The following KCNQ5 variants were observed in gnomAD, a reference collection of about 807,000 sequenced individuals.
The protein encoded by KCNQ5 is potassium voltage-gated channel subfamily KQT member 5.
In KCNQ5, 30 loss-of-function variants were observed where a neutral mutation model predicts 98.2. That is an observed-to-expected ratio of 0.31 (90% confidence interval 0.23 to 0.41). KCNQ5 has a LOEUF of 0.41. Among genes scored for constraint, KCNQ5 ranks in the 10% least tolerant of loss-of-function variants. The pLI is 1.00. For synonymous variants in KCNQ5, 458 were observed against 449.4 expected, an observed-to-expected ratio of 1.02 and a Z score of -0.24; for missense variants, 835 against 1,182.5, an observed-to-expected ratio of 0.71 and a Z score of 4.31.
At chr6:73,052,495 G>A (rs535702500) in intron 3 of KCNQ5, among the ~76,000 whole-genome samples, 87 of 152,228 alleles carry the variant, frequency 5.7e-4, no homozygotes, top group African/African-American at 2.1e-3. Context: ...AAGAGAAGGG[G>A]CAGGCCACCT....
At position 72,941,813 on chromosome 6, in the gene KCNQ5, G is replaced by T. The variant is rs1414506062; in HGVS notation, c.399-62095G>T. 2.6e-5 allele frequency among the ~76,000 whole-genome samples: 4 copies of T among 151,502 alleles called. No individual in the cohort carries two copies. The Admixed American group carries it at 2.6e-4, about 10-fold the overall frequency. On this transcript the variant is annotated intron_variant, in intron 1 of 13. Transcript: ENST00000370398. Reference sequence around the variant, plus strand: ...TGCCAGGCACTCTGTGGCTCCTTGGGATAAAGTTGGGAAACAAACCAACAT... The same window carrying T: ...TGCCAGGCACTCTGTGGCTCCTTGGTATAAAGTTGGGAAACAAACCAACAT...
chr6:72,850,260 CA>C (rs1777196098), intron 1 of KCNQ5, among the ~76,000 whole-genome samples: 1 of 152,122 alleles, frequency 6.6e-6, no homozygotes, highest in Non-Finnish European at 1.5e-5. Flanking sequence ...AAATATGAGT[CA>C]AAGTCTGGAC....
intron 1 of KCNQ5, among the ~76,000 whole-genome samples, chr6:72,942,075 A>G (rs1237699960): frequency 6.6e-6 from 1 of 152,160 alleles, no homozygotes; most frequent in Non-Finnish European, 1.5e-5. Flanking sequence ...CTGTGGCCTG[A>G]GCTGCCATTT....
intron 1 of KCNQ5, among the ~76,000 whole-genome samples, chr6:72,758,155 A>C (rs956323610): frequency 1.3e-5 from 2 of 151,954 alleles, no homozygotes; most frequent in African/African-American, 4.8e-5. Context: ...CAAGCAGAAG[A>C]TAAGAAAGAA....
chr6:73,126,111 A>G, intron 9 of KCNQ5, among the ~76,000 whole-genome samples: 1 of 152,212 alleles, frequency 6.6e-6, no homozygotes, highest in Non-Finnish European at 1.5e-5. Context: ...AAGGTAGCTT[A>G]TAGTTGCTTT....
At chr6:72,833,842 G>A (rs1257661703) in intron 1 of KCNQ5, among the ~76,000 whole-genome samples, 6 of 151,870 alleles carry the variant, frequency 4.0e-5, no homozygotes, top group Admixed American at 3.9e-4. Context: ...TTATATGATG[G>A]AATAACTATA....
intron 1 of KCNQ5, among the ~76,000 whole-genome samples, chr6:72,948,794 G>A (rs1163826623): frequency 6.6e-6 from 1 of 152,074 alleles, no homozygotes; most frequent in Non-Finnish European, 1.5e-5. Context: ...AGAAGATGAA[G>A]ATTTTACATA....
chr6:72,858,164 C>T (rs1476046860), intron 1 of KCNQ5, among the ~76,000 whole-genome samples: 1 of 152,022 alleles, frequency 6.6e-6, no homozygotes, highest in African/African-American at 2.4e-5. Flanking sequence ...CTAAATTTTT[C>T]CCATGGCATT....
At chr6:72,926,822 G>A (rs1467218157) in intron 1 of KCNQ5, among the ~76,000 whole-genome samples, 1 of 152,060 alleles carries the variant, frequency 6.6e-6, no homozygotes, top group African/African-American at 2.4e-5. Flanking sequence ...ATATGTAGCA[G>A]AAATAGATGG....
chr6:72,714,063 G>A (rs1290445420), intron 1 of KCNQ5, among the ~76,000 whole-genome samples: 3 of 152,160 alleles, frequency 2.0e-5, no homozygotes, highest in Non-Finnish European at 4.4e-5. Context: ...GCTCACCTAT[G>A]TGTCCTTACC....
intron 1 of KCNQ5, among the ~76,000 whole-genome samples, chr6:72,791,408 C>A (rs1290774846): frequency 6.6e-6 from 1 of 152,154 alleles, no homozygotes; most frequent in African/African-American, 2.4e-5. Context: ...ACTCCCTTTT[C>A]TCCTACCCAA....
At position 73,194,747 on chromosome 6, in the gene KCNQ5, G is replaced by C; in HGVS notation, c.2132G>C (p.Ser711Thr). 6.2e-7 allele frequency: 1 copy of C among 1,614,254 alleles called. No homozygotes were observed. Among genetic ancestry groups the C allele is most frequent in the South Asian group, 1.1e-5 (1 of 91,086 alleles). ...TFYALSPTMH[S>T]QATQVPISQS... ...TACGCGCTTAGCCCTACTATGCACA[G>C]TCAAGCAACACAGGTGCCAATTAGT... The change falls in exon 14 of 14, where the codon AGT becomes ACT. Residue 711 changes from serine (S) to threonine (T), a missense_variant. Coordinates refer to ENST00000370398, the MANE Select transcript of KCNQ5 (RefSeq NM_019842.4).
At position 72,827,317 on chromosome 6, in the gene KCNQ5, G is replaced by T. The variant is rs1303861667; in HGVS notation, c.399-176591G>T. Among the ~76,000 whole-genome samples the T allele has an allele frequency of 2.6e-5, 4 of 152,028 alleles. No individual in the cohort carries two copies. The East Asian group carries it at 7.7e-4, about 29-fold the overall frequency. On this transcript the variant is annotated intron_variant, in intron 1 of 13. Coordinates refer to ENST00000370398, the MANE Select transcript of KCNQ5 (RefSeq NM_019842.4). Reference sequence around the variant, plus strand: ...AACCTCCATACTGTTCTCTAGAGTGGCTGTACTAGTTTATGTTCCCAACAA... The same window carrying T: ...AACCTCCATACTGTTCTCTAGAGTGTCTGTACTAGTTTATGTTCCCAACAA...
At chr6:72,651,029 A>G (rs899281243) in intron 1 of KCNQ5, among the ~76,000 whole-genome samples, 4 of 152,048 alleles carry the variant, frequency 2.6e-5, no homozygotes, top group African/African-American at 9.7e-5. Context: ...TATTTTGTAA[A>G]CTGTTTTGTA....
intron 1 of KCNQ5, among the ~76,000 whole-genome samples, chr6:72,663,287 T>C (rs1766622068): frequency 6.6e-6 from 1 of 152,164 alleles, no homozygotes; most frequent in Non-Finnish European, 1.5e-5. Flanking sequence ...TTTTAAAAAA[T>C]CGTGTTTCTA....
intron 1 of KCNQ5, among the ~76,000 whole-genome samples, chr6:72,910,033 C>G (rs1562061760): frequency 6.6e-6 from 1 of 152,114 alleles, no homozygotes; most frequent in Non-Finnish European, 1.5e-5. Flanking sequence ...ATGAAGTCAT[C>G]CCTTTATCAA....
At chr6:72,841,290 A>G (rs969018476) in intron 1 of KCNQ5, among the ~76,000 whole-genome samples, 3 of 152,146 alleles carry the variant, frequency 2.0e-5, no homozygotes, top group Admixed American at 1.3e-4. Flanking sequence ...TCCTATTAAC[A>G]TATTGAATCA....
chr6:73,003,803 G>A, intron 1 of KCNQ5, 105 bp from the exon 2 acceptor site: 1 of 713,586 alleles, frequency 1.4e-6, no homozygotes, highest in South Asian at 1.8e-5. Flanking sequence ...GAGTTAATGT[G>A]TGCTAATTTA....
At chr6:72,705,599 T>TTTTTTG (rs61085754) in intron 1 of KCNQ5, among the ~76,000 whole-genome samples, 39 of 151,338 alleles carry the variant, frequency 2.6e-4, no homozygotes, top group African/African-American at 9.5e-4. Flanking sequence ...TGTTTTTTTT[T>TTTTTTG]TTGTTGTTGT....
Sources: gnomAD v4.1 joint callset for allele counts (sites outside exome capture counted in the v4.1 genomes callset) on GRCh38, gnomAD v4.1.1 for gene constraint, MANE v1.5 for transcripts, NCBI Gene and HGNC (gene_info 2026-07-23, HGNC 2026-07-21) for gene names.